The following ZNF140 variants were observed in gnomAD, a reference collection of about 807,000 sequenced individuals.
The protein encoded by ZNF140 is zinc finger protein 140, also known as zinc finger protein 140 (clone pHZ-39).
ZNF140 carries 13 observed loss-of-function variants against 12.9 expected under a neutral mutation model. The observed-to-expected ratio is 1.01, with a 90% CI of 0.66 to 1.60. ZNF140 has a LOEUF of 1.60. Among genes scored for constraint, ZNF140 ranks in the 40% most tolerant of loss-of-function variants. The pLI is 0.00. For synonymous variants in ZNF140, 214 were observed against 186.7 expected, an observed-to-expected ratio of 1.15 and a Z score of -1.19; for missense variants, 531 against 548.8, an observed-to-expected ratio of 0.97 and a Z score of 0.32.
Position 133,106,525 on chromosome 12 carries a change from G to A in ZNF140, c.1248G>A (p.Lys416=). 6.2e-7 allele frequency: 1 copy of A among 1,613,950 alleles called. No homozygotes were observed. Among genetic ancestry groups the A allele is most frequent in the South Asian group, 1.1e-5 (1 of 91,070 alleles). ...CTGGAGAGAAACCCTATGTATGTAA[G>A]GTATGCAACAAATCCTTCAGCTGGA... is the stretch of plus-strand genomic sequence containing the variant. The part of the protein sequence containing the change: ...THTGEKPYVC[K]VCNKSFSWSS... Residue 416 remains lysine (K), a synonymous_variant, in exon 5 of 5, where the codon AAG becomes AAA. Transcript: ENST00000355557.
Position 133,083,215 on chromosome 12 carries a change from A to T in ZNF140, c.122A>T (p.His41Leu). Residue 41 changes from histidine to leucine, a missense_variant, in exon 3 of 5, where the codon CAT (histidine) becomes CTT (leucine). By Grantham distance (99) the His-to-Leu change is moderately conservative. Transcript: ENST00000355557. Reference sequence around the variant, plus strand: ...TGTGTAATGTTGGAGAACTATGGCCATCTGGTCTCACTGGGTAAGTATTCT... The same window carrying T: ...TGTGTAATGTTGGAGAACTATGGCCTTCTGGTCTCACTGGGTAAGTATTCT... ...YRCVMLENYG[H>L]LVSLGLSISK... 1.9e-6 allele frequency: 3 copies of T among 1,613,422 alleles called. No homozygotes were observed. Among genetic ancestry groups the T allele is most frequent in the Non-Finnish European group, 1.7e-6 (2 of 1,179,460 alleles).
At chr12:133,093,569 T>C (rs1470464692) in intron 4 of ZNF140, 1 of 672,714 alleles carries the variant, frequency 1.5e-6, no homozygotes, top group East Asian at 2.7e-5. Context: ...CTCTCCCCCA[T>C]GTTATCACCT....
chr12:133,097,819 A>ATGTGTGTG lies in ZNF140; in HGVS notation c.233-7667_233-7660dup, dbSNP rs71079166. Among the ~76,000 whole-genome samples, 589 of 143,244 alleles carry ATGTGTGTG rather than the reference A, an allele frequency of 4.1e-3. 2 individuals carry two copies. The highest frequency in any genetic ancestry group is 0.014 in the Middle Eastern group (4 of 286). 94.0% of individuals were successfully genotyped at this position (143,244 alleles called of 152,430 possible). A position where few individuals can be genotyped will look rare whatever the true frequency, so the allele number is the denominator to read the frequency against. ...TATGCATGAGGCACCACATCTAACC[A>ATGTGTGTG]TGTGTGTGTGTGTGTGTGTGTGTGT... On this transcript the variant is annotated intron_variant, in intron 4 of 4. Transcript: ENST00000355557.
chr12:133,081,373 A>AAT (rs1555291988), intron 2 of ZNF140, 44 bp downstream of exon 2: 21,352 of 218,272 alleles, frequency 0.098, 2,337 homozygotes, highest in African/African-American at 0.17. Context: ...ATATATATAA[A>AAT]TTTTTATTTT....
intron 4 of ZNF140, among the ~76,000 whole-genome samples, chr12:133,100,164 T>G (rs1381817083): frequency 2.4e-5 from 3 of 125,440 alleles, no homozygotes; most frequent in Non-Finnish European, 4.8e-5. Context: ...TTTTCCGTTT[T>G]TTTTTTTTTT....
chr12:133,106,591 C>T lies in ZNF140; in HGVS notation c.1314C>T (p.Asp438=). Residue 438 remains aspartate, a synonymous_variant, in exon 5 of 5, where the codon GAC becomes GAT. Coordinates refer to ENST00000355557, the MANE Select transcript of ZNF140 (RefSeq NM_003440.4). ...LAKHQRTHTL[D]NPYEYENSFN... is the part of the protein sequence containing the mutation. ...AACATCAGAGGACACACACTCTTGACAACCCCTATGAATATGAAAATTCAT... is the reference window on the plus strand; with the variant it reads ...AACATCAGAGGACACACACTCTTGATAACCCCTATGAATATGAAAATTCAT... 1 of 1,612,954 alleles carries T rather than the reference C, an allele frequency of 6.2e-7. No homozygotes were observed. The highest frequency in any genetic ancestry group is 8.5e-7 in the Non-Finnish European group (1 of 1,179,700).
chr12:133,104,238 T>C (rs759747124), intron 4 of ZNF140, among the ~76,000 whole-genome samples: 1 of 152,230 alleles, frequency 6.6e-6, no homozygotes, highest in African/African-American at 2.4e-5. Flanking sequence ...ATTTGCCTTA[T>C]CATTTGGCAT....
chr12:133,097,849 GTT>G (rs1491113073), intron 4 of ZNF140, among the ~76,000 whole-genome samples: 8 of 146,382 alleles, frequency 5.5e-5, no homozygotes, highest in Non-Finnish European at 1.1e-4. Flanking sequence ...GTGTGTGTGT[GTT>G]TTTGAGATGA....
Position 133,090,823 on chromosome 12 carries a change from A to C in ZNF140, c.232+7262A>C, listed in dbSNP as rs1178442448. On this transcript the variant is annotated intron_variant, in intron 4 of 4. Coordinates refer to ENST00000355557, the MANE Select transcript of ZNF140 (RefSeq NM_003440.4). ...GAGCAAAAGAATCTATATCATAATT[A>C]GGTTTAAGGGAAGGTACTATGCCTA... Among the ~76,000 whole-genome samples the C allele has an allele frequency of 2.0e-3, 262 of 130,416 alleles. 6 individuals carry two copies. The East Asian group carries it at 0.041, about 20-fold the overall frequency. The allele number at this position is 130,416 out of a possible 152,430, so 85.6% of individuals were successfully genotyped here. A position where few individuals can be genotyped will look rare whatever the true frequency, so the allele number is the denominator to read the frequency against.
intron 4 of ZNF140, among the ~76,000 whole-genome samples, chr12:133,093,124 A>G (rs1245931789): frequency 6.6e-6 from 1 of 151,220 alleles, no homozygotes; most frequent in Non-Finnish European, 1.5e-5. Context: ...GGCAAATAGG[A>G]GGATAATGAT....
chr12:133,081,352 TA>T, intron 2 of ZNF140, 23 bp downstream of exon 2: 3 of 246,212 alleles, frequency 1.2e-5, no homozygotes, highest in Non-Finnish European at 2.1e-5. Context: ...TTGATAAATA[TA>T]TATATATATA....
At chr12:133,103,084 C>G (rs778509282) in intron 4 of ZNF140, among the ~76,000 whole-genome samples, 2 of 152,140 alleles carry the variant, frequency 1.3e-5, no homozygotes, top group African/African-American at 4.8e-5. Flanking sequence ...TGTTTCAATA[C>G]ATGTATACAT....
At chr12:133,102,491 C>T (rs1593800048) in intron 4 of ZNF140, among the ~76,000 whole-genome samples, 1 of 151,858 alleles carries the variant, frequency 6.6e-6, no homozygotes, top group East Asian at 1.9e-4. Context: ...TTTGGGAGGC[C>T]GAGGTGGGCA....
chr12:133,095,786 T>A (rs182308245), intron 4 of ZNF140, among the ~76,000 whole-genome samples: 4 of 151,838 alleles, frequency 2.6e-5, no homozygotes, highest in Non-Finnish European at 5.9e-5. Context: ...TATGCCTGGA[T>A]GTGCACGTAA....
At position 133,106,783 on chromosome 12, in the gene ZNF140, T is replaced by A; in HGVS notation, c.*132T>A. Reference sequence around the variant, plus strand: ...CTGTGAAGTAATATGGCCCACACTTTATTCACCACCCTGGAGAAAAAAAAA... The same window carrying A: ...CTGTGAAGTAATATGGCCCACACTTAATTCACCACCCTGGAGAAAAAAAAA... On this transcript the variant is annotated 3_prime_UTR_variant, in exon 5 of 5. Transcript: ENST00000355557. 1.3e-6 allele frequency: 1 copy of A among 758,642 alleles called. No individual in the cohort carries two copies. Among genetic ancestry groups the A allele is most frequent in the Non-Finnish European group, 1.9e-6 (1 of 517,086 alleles). 47.0% of individuals were successfully genotyped at this position (758,642 alleles called of 1,614,324 possible).
At chr12:133,090,802 A>G (rs1349534432) in intron 4 of ZNF140, among the ~76,000 whole-genome samples, 3 of 136,308 alleles carry the variant, frequency 2.2e-5, no homozygotes, top group Non-Finnish European at 4.9e-5. Context: ...ACATGTGAGC[A>G]AAAGAATCTA....
intron 4 of ZNF140, among the ~76,000 whole-genome samples, chr12:133,088,895 A>T (rs1360969345): frequency 6.6e-6 from 1 of 152,226 alleles, no homozygotes; most frequent in Non-Finnish European, 1.5e-5. Context: ...CCAGCCCTGT[A>T]TACCTGGGAT....
Position 133,105,798 on chromosome 12 carries a change from T to C in ZNF140, c.521T>C (p.Phe174Ser). The C allele has an allele frequency of 6.2e-7, 1 of 1,614,184 alleles. No individual in the cohort carries two copies. Among genetic ancestry groups the C allele is most frequent in the East Asian group, 2.2e-5 (1 of 44,886 alleles). Reference protein sequence around the residue: ...HECGKTFGRRFSLVLHQRTHT... With the variant: ...HECGKTFGRRSSLVLHQRTHT... ...TGTGGAAAAACTTTTGGTCGACGCT[T>C]TTCCCTGGTGTTACACCAGAGGACT... Residue 174 changes from phenylalanine (F) to serine (S), a missense_variant, in exon 5 of 5, where the codon TTT becomes TCT. Physicochemically the swap from Phe to Ser is radical, Grantham distance 155 (BLOSUM62 -2). Coordinates refer to ENST00000355557, the MANE Select transcript of ZNF140 (RefSeq NM_003440.4).
rs751270119 is a variant in ZNF140, at chr12:133,106,395, T to C, written c.1118T>C (p.Ile373Thr). The part of the protein sequence containing the change: ...GKVFTWHASL[I>T]QHTKSHTGEK... ...GTTTTCACTTGGCATGCATCCCTTA[T>C]TCAACATACGAAGAGTCACACTGGA... The change falls in exon 5 of 5, where the codon ATT (isoleucine) becomes ACT (threonine). Residue 373 changes from isoleucine to threonine, a missense_variant. By Grantham distance (89) the Ile-to-Thr change is moderately conservative. Transcript: ENST00000355557. The C allele has an allele frequency of 1.2e-6, 2 of 1,614,178 alleles. No homozygotes were observed. The highest frequency in any genetic ancestry group is 1.7e-5 in the Admixed American group (1 of 60,034).
Sources: gnomAD v4.1 joint callset for allele counts (sites outside exome capture counted in the v4.1 genomes callset) on GRCh38, gnomAD v4.1.1 for gene constraint, MANE v1.5 for transcripts, NCBI Gene and HGNC (gene_info 2026-07-23, HGNC 2026-07-21) for gene names.